RABGGTB: variants seen among roughly 807,000 people sequenced by gnomAD.
RABGGTB encodes Rab geranylgeranyltransferase subunit beta.
Under a neutral mutation model 44.5 loss-of-function variants are expected in RABGGTB, and 20 were observed. That is an observed-to-expected ratio of 0.45 (90% CI 0.32 to 0.65). The LOEUF (loss-of-function observed/expected upper bound fraction) is 0.65. Ranked by LOEUF, RABGGTB falls within the 30% of genes least tolerant of loss-of-function variation. RABGGTB has a pLI of 0.05. For synonymous variants in RABGGTB, 128 were observed against 136.7 expected (o/e 0.94, Z 0.44); for missense variants, 302 against 398.7 (o/e 0.76, Z 2.06).
Position 75,787,729 on chromosome 1 carries a change from G to A in RABGGTB, c.111+125G>A, listed in dbSNP as rs1649534823. The A allele has an allele frequency of 3.9e-6, 3 of 770,790 alleles. No homozygotes were observed. In the Admixed American group the frequency reaches 6.6e-5, roughly 17 times the overall value. The allele number at this position is 770,790 out of a possible 1,614,324, so 47.7% of individuals were successfully genotyped here. A position where few individuals can be genotyped will look rare whatever the true frequency, so the allele number is the denominator to read the frequency against. On this transcript the variant is annotated intron_variant, in intron 2 of 8. Coordinates refer to ENST00000319942, the MANE Select transcript of RABGGTB (RefSeq NM_004582.4). ...ATGCAGAGAACTGAGGATGTGCTGT[G>A]CCTTTGAACTTCAGTTAAGTGTGCT...
Position 75,787,522 on chromosome 1 carries a change from T to C in RABGGTB, c.29T>C (p.Ile10Thr), listed in dbSNP as rs761499578. 2 of 1,613,996 alleles carry C rather than the reference T, an allele frequency of 1.2e-6. No homozygotes were observed. Among genetic ancestry groups the C allele is most frequent in the Non-Finnish European group, 1.7e-6 (2 of 1,179,864 alleles). ...GGCACTCCACAGAAGGATGTTATTA[T>C]CAAGTCAGATGCACCGGACACTTTG... is the stretch of plus-strand genomic sequence containing the variant. The part of the protein sequence containing the change: MGTPQKDVI[I>T]KSDAPDTLLL... Residue 10 changes from isoleucine (I) to threonine (T), a missense_variant, in exon 2 of 9, where the codon ATC (isoleucine) becomes ACC (threonine). Ile to Thr is a moderately conservative substitution (Grantham distance 89). Coordinates refer to ENST00000319942, the MANE Select transcript of RABGGTB (RefSeq NM_004582.4).
At chr1:75,792,561 A>G (rs1460037193) in intron 7 of RABGGTB, among the ~76,000 whole-genome samples, 1 of 152,148 alleles carries the variant, frequency 6.6e-6, no homozygotes, top group Non-Finnish European at 1.5e-5. Flanking sequence ...AGGACAGTTG[A>G]TTTTGGCAAA....
intron 4 of RABGGTB, among the ~76,000 whole-genome samples, chr1:75,790,822 C>T (rs1649628295): frequency 6.6e-6 from 1 of 152,068 alleles, no homozygotes; most frequent in Admixed American, 6.6e-5. Flanking sequence ...GAGATGTGCA[C>T]CACAACACCT....
chr1:75,794,516 C>T lies in RABGGTB; in HGVS notation c.862C>T (p.Pro288Ser), dbSNP rs1275395416. ...TAAATTCTTTTTTAAATAGGTGGAT[C>T]CTTTTCATACCTTATTTGGAATTGC... ...FADRPGDMVD[P>S]FHTLFGIAGL... is the part of the protein sequence containing the mutation. The change falls in exon 9 of 9, where the codon CCT (proline) becomes TCT (serine). Residue 288 changes from proline to serine, a missense_variant. Pro to Ser is a moderately conservative substitution (Grantham distance 74). Transcript: ENST00000319942. The T allele has an allele frequency of 2.5e-6, 4 of 1,608,738 alleles. No individual in the cohort carries two copies. Among genetic ancestry groups the T allele is most frequent in the Non-Finnish European group, 3.4e-6 (4 of 1,177,258 alleles).
chr1:75,792,392 T>C, intron 7 of RABGGTB, 86 bp downstream of exon 7: 1 of 1,548,948 alleles, frequency 6.5e-7, no homozygotes, highest in Non-Finnish European at 8.8e-7. Flanking sequence ...ATATTGTAAA[T>C]TGGCCATGAG....
intron 4 of RABGGTB, 156 bp downstream of exon 4, chr1:75,790,213 G>A: frequency 1.4e-6 from 2 of 1,441,400 alleles, no homozygotes; most frequent in Non-Finnish European, 1.8e-6. Context: ...AGCATGCACT[G>A]TGGTAGTTAT....
intron 8 of RABGGTB, 22 bp from the exon 9 acceptor site, chr1:75,794,488 A>G (rs752569264): frequency 2.2e-5 from 36 of 1,600,688 alleles, no homozygotes; most frequent in Middle Eastern, 1.7e-4. Flanking sequence ...TGTGATCTGT[A>G]TATAAATTCT....
chr1:75,787,314 A>G (rs931796064), intron 1 of RABGGTB, 183 bp from the exon 2 acceptor site: 2 of 620,580 alleles, frequency 3.2e-6, no homozygotes, highest in African/African-American at 3.7e-5. Flanking sequence ...TGCAGCCTTA[A>G]TTTCCCTGGC....
chr1:75,794,216 G>C lies in RABGGTB; in HGVS notation c.838G>C (p.Asp280His), dbSNP rs1303881347. The C allele has an allele frequency of 6.2e-7, 1 of 1,613,412 alleles. No homozygotes were observed. The highest frequency in any genetic ancestry group is 2.2e-5 in the East Asian group (1 of 44,852). The part of the protein sequence containing the change: ...CQDEETGGFA[D>H]RPGDMVDPFH... ...AGATGAAGAAACGGGGGGATTTGCAGACAGGCCAGGAGATATGGCAAGTAA... is the reference window on the plus strand; with the variant it reads ...AGATGAAGAAACGGGGGGATTTGCACACAGGCCAGGAGATATGGCAAGTAA... Residue 280 changes from aspartate (D) to histidine (H), a missense_variant, in exon 8 of 9, where the codon GAC becomes CAC. By Grantham distance (81) the Asp-to-His change is moderately conservative (BLOSUM62 -1). Coordinates refer to ENST00000319942, the MANE Select transcript of RABGGTB (RefSeq NM_004582.4).
At chr1:75,789,865 G>A (rs555215348) in intron 3 of RABGGTB, 87 bp from the exon 4 acceptor site, 1 of 961,610 alleles carries the variant, frequency 1.0e-6, no homozygotes, top group South Asian at 1.4e-5. Flanking sequence ...ACAAAAGGAT[G>A]TGCTTGACAA....
intron 4 of RABGGTB, among the ~76,000 whole-genome samples, chr1:75,790,859 A>G (rs1649629845): frequency 6.6e-6 from 1 of 152,042 alleles, no homozygotes; most frequent in East Asian, 1.9e-4. Context: ...TTTAGTAGAG[A>G]TGGGGTCCCC....
intron 4 of RABGGTB, among the ~76,000 whole-genome samples, chr1:75,790,884 C>T (rs1649630699): frequency 6.6e-6 from 1 of 152,170 alleles, no homozygotes; most frequent in South Asian, 2.1e-4. Context: ...CTCATGTGAT[C>T]CTCCTGCCTC....
At chr1:75,788,937 TC>T in intron 2 of RABGGTB, 1 of 558,718 alleles carries the variant, frequency 1.8e-6, no homozygotes, top group South Asian at 2.3e-5. Context: ...GATTAACTAA[TC>T]CTGTGCTTCT....
intron 7 of RABGGTB, 111 bp from the exon 8 acceptor site, chr1:75,793,973 A>T: frequency 1.8e-6 from 2 of 1,121,608 alleles, no homozygotes. Context: ...ACATGGTTTG[A>T]CACTTTGAAC....
rs371015877 is a variant in RABGGTB, at chr1:75,791,551, T to G, written c.559T>G (p.Ser187Ala). The G allele has an allele frequency of 3.7e-6, 6 of 1,611,594 alleles. No individual in the cohort carries two copies. The African/African-American group carries it at 4.0e-5, about 11-fold the overall frequency. ...CGGTGGATTTGGTTGCAGACCAGGTTCTGAATCCCATGCTGGGCAGGTAAT... is the reference window on the plus strand; with the variant it reads ...CGGTGGATTTGGTTGCAGACCAGGTGCTGAATCCCATGCTGGGCAGGTAAT... ...FDGGFGCRPG[S>A]ESHAGQIYCC... Residue 187 changes from serine (S) to alanine (A), a missense_variant, in exon 6 of 9, where the codon TCT becomes GCT. Ser to Ala is a moderately conservative substitution (Grantham distance 99). Transcript: ENST00000319942.
At chr1:75,791,096 C>G (rs1454110939) in intron 4 of RABGGTB, among the ~76,000 whole-genome samples, 189 bp from the exon 5 acceptor site, 1 of 152,130 alleles carries the variant, frequency 6.6e-6, no homozygotes, top group Non-Finnish European at 1.5e-5. Context: ...GGTCAATTTG[C>G]TGTTATTTTT....
In RABGGTB at chr1:75,794,784, T is replaced by C; in HGVS notation, c.*134T>C. The stretch of plus-strand genomic sequence containing the variant: ...GTTAAATTAATTTTAATAAATTATA[T>C]AATTATACATATTGTAAAATAAAGA... On this transcript the variant is annotated 3_prime_UTR_variant, in exon 9 of 9. Transcript: ENST00000319942. 1 of 569,096 alleles carries C rather than the reference T, an allele frequency of 1.8e-6. No homozygotes were observed. The highest frequency in any genetic ancestry group is 2.5e-6 in the Non-Finnish European group (1 of 405,050). 35.3% of individuals were successfully genotyped at this position (569,096 alleles called of 1,614,324 possible). A position where few individuals can be genotyped will look rare whatever the true frequency, so the allele number is the denominator to read the frequency against.
At chr1:75,787,986 C>G (rs371437494) in intron 2 of RABGGTB, 52 of 504,474 alleles carry the variant, frequency 1.0e-4, no homozygotes, top group Middle Eastern at 3.2e-4. Context: ...AAAGTTTTAC[C>G]TTAAATTTTT....
At chr1:75,786,735 T>TA (rs1649498829) in intron 1 of RABGGTB, 2 of 279,146 alleles carry the variant, frequency 7.2e-6, no homozygotes, top group South Asian at 6.8e-5. Context: ...AAGATATAGA[T>TA]ACGAAAAGAA....
Sources: allele counts gnomAD v4.1 joint callset (sites outside exome capture counted in the v4.1 genomes callset), GRCh38; gene constraint gnomAD v4.1.1; transcripts MANE v1.5; gene names NCBI Gene and HGNC (gene_info 2026-07-23, HGNC 2026-07-21).